ELP5: variants seen among roughly 807,000 people sequenced by gnomAD.
ELP5 encodes elongator complex protein 5.
In ELP5, 34 loss-of-function variants were observed where a neutral mutation model predicts 33.4. That is an observed-to-expected ratio of 1.02 (90% CI 0.78 to 1.36). ELP5 has a LOEUF of 1.36. ELP5 is among the 40% of genes most tolerant of loss of function. The pLI is 0.00. For synonymous variants in ELP5, 161 were observed against 146.4 expected (o/e 1.10, Z -0.72); for missense variants, 373 against 371.7 (o/e 1.00, Z -0.03).
Position 7,259,870 on chromosome 17 carries a change from C to A in ELP5, c.*185C>A. Reference sequence around the variant, plus strand: ...ATCAGGACAGAAGGTAGGATGAAGACATGGGGTAATGTGAGAGAGTAGAAC... The same window carrying A: ...ATCAGGACAGAAGGTAGGATGAAGAAATGGGGTAATGTGAGAGAGTAGAAC... On this transcript the variant is annotated 3_prime_UTR_variant, in exon 8 of 8. Coordinates refer to ENST00000396628, the MANE Select transcript of ELP5 (RefSeq NM_203414.3). 1 of 1,034,314 alleles carries A rather than the reference C, an allele frequency of 9.7e-7. No individual in the cohort carries two copies. Among genetic ancestry groups the A allele is most frequent in the Non-Finnish European group, 1.4e-6 (1 of 735,070 alleles). The allele number at this position is 1,034,314 out of a possible 1,614,324, so 64.1% of individuals were successfully genotyped here.
In ELP5 at chr17:7,252,277, A is replaced by C; in HGVS notation, c.-274A>C. 1.9e-6 allele frequency: 1 copy of C among 532,912 alleles called. No individual in the cohort carries two copies. The highest frequency in any genetic ancestry group is 3.4e-6 in the Non-Finnish European group (1 of 293,226). 33.0% of individuals were successfully genotyped at this position (532,912 alleles called of 1,614,324 possible). ...GGGTCCTCCTCCCCCTCCCACTGACAACTGCCCCAACTGCTCTTCCCGCCC... is the reference window on the plus strand; with the variant it reads ...GGGTCCTCCTCCCCCTCCCACTGACCACTGCCCCAACTGCTCTTCCCGCCC... On this transcript the variant is annotated 5_prime_UTR_variant, in exon 1 of 8. Coordinates refer to ENST00000396628, the MANE Select transcript of ELP5 (RefSeq NM_203414.3).
At position 7,252,390 on chromosome 17, in the gene ELP5, C is replaced by T. The variant is rs1454411681; in HGVS notation, c.-161C>T. ...GGGGCGCCCTCCGCGTGAGCGCCCCCCTGGGAATATTGAACATAATCACCT... is the reference window on the plus strand; with the variant it reads ...GGGGCGCCCTCCGCGTGAGCGCCCCTCTGGGAATATTGAACATAATCACCT... On this transcript the variant is annotated 5_prime_UTR_variant, in exon 1 of 8. Transcript: ENST00000396628. 1 of 1,142,210 alleles carries T rather than the reference C, an allele frequency of 8.8e-7. No individual in the cohort carries two copies. Among genetic ancestry groups the T allele is most frequent in the South Asian group, 1.3e-5 (1 of 75,106 alleles). The allele number at this position is 1,142,210 out of a possible 1,614,324, so 70.8% of individuals were successfully genotyped here.
chr17:7,258,372 C>T (rs947646492), intron 5 of ELP5, among the ~76,000 whole-genome samples: 2 of 151,062 alleles, frequency 1.3e-5, no homozygotes, highest in African/African-American at 2.4e-5. Flanking sequence ...TCACTTGAAC[C>T]TGGGAGGCGG....
rs1335628252 is a variant in ELP5, at chr17:7,259,885, GAGAGT to G, written c.*204_*208del. 6 of 845,166 alleles carry G rather than the reference GAGAGT, an allele frequency of 7.1e-6. No individual in the cohort carries two copies. The highest frequency in any genetic ancestry group is 1.9e-5 in the South Asian group (1 of 51,286). 52.4% of individuals were successfully genotyped at this position (845,166 alleles called of 1,614,324 possible). ...AGGATGAAGACATGGGGTAATGTGA[GAGAGT>G]AGAACACCCCCGTACCTAATAAAAA... On this transcript the variant is annotated 3_prime_UTR_variant, in exon 8 of 8. Transcript: ENST00000396628.
chr17:7,252,899 C>G lies in ELP5; in HGVS notation c.108-19C>G, dbSNP rs369743432. ...ACCTGTGCCCACTCTTTGACAATCC[C>G]TTCTCATCTCTGCCTTAGTGGGGAG... On this transcript the variant is annotated intron_variant, in intron 2 of 7. Coordinates refer to ENST00000396628, the MANE Select transcript of ELP5 (RefSeq NM_203414.3). 12 of 1,614,080 alleles carry G rather than the reference C, an allele frequency of 7.4e-6. No homozygotes were observed. In the African/African-American group the frequency reaches 1.6e-4, roughly 22 times the overall value.
chr17:7,258,966 C>G, intron 7 of ELP5, 40 bp downstream of exon 7: 2 of 1,613,404 alleles, frequency 1.2e-6, no homozygotes, highest in Non-Finnish European at 1.7e-6. Context: ...CTGAGTAGAT[C>G]CCAGCATCTG....
chr17:7,256,166 G>A (rs1163180687), intron 4 of ELP5, among the ~76,000 whole-genome samples: 1 of 152,062 alleles, frequency 6.6e-6, no homozygotes, highest in East Asian at 1.9e-4. Flanking sequence ...GCCTGGCCAA[G>A]ATGCTGAAAC....
intron 4 of ELP5, among the ~76,000 whole-genome samples, chr17:7,255,860 G>C (rs1312056206): frequency 1.3e-5 from 2 of 151,492 alleles, no homozygotes; most frequent in Non-Finnish European, 2.9e-5. Flanking sequence ...TTGGAGACCA[G>C]CCTGGCCAAC....
intron 7 of ELP5, 193 bp from the exon 8 acceptor site, chr17:7,259,378 A>T: frequency 7.1e-7 from 1 of 1,409,178 alleles, no homozygotes. Flanking sequence ...TTAGGAGAGC[A>T]GTACAAGGGT....
chr17:7,257,147 C>T (rs2072096611), intron 5 of ELP5, 109 bp downstream of exon 5: 1 of 1,234,776 alleles, frequency 8.1e-7, no homozygotes, highest in Non-Finnish European at 1.1e-6. Flanking sequence ...TAAAAACAAA[C>T]TTTTTTAGAG....
intron 5 of ELP5, 21 bp from the exon 6 acceptor site, chr17:7,258,567 T>A (rs1488831647): frequency 1.9e-6 from 3 of 1,611,012 alleles, no homozygotes; most frequent in South Asian, 1.1e-5. Flanking sequence ...TGAAAAAAAC[T>A]CTTTTCTTTT....
At chr17:7,252,009 C>T (rs763922539), upstream of ELP5, 2 of 191,476 alleles carry the variant, frequency 1.0e-5, no homozygotes, top group Non-Finnish European at 2.2e-5. Context: ...TCCTCTTCCC[C>T]TTTGACACTA....
At chr17:7,252,705 C>G in intron 1 of ELP5, 65 bp from the exon 2 acceptor site, 1 of 1,611,790 alleles carries the variant, frequency 6.2e-7, no homozygotes, top group Non-Finnish European at 8.5e-7. Flanking sequence ...GTGGAAATCG[C>G]GACGGGTTCG....
Position 7,252,581 on chromosome 17 carries a change from C to G in ELP5, c.31C>G (p.Leu11Val). 2 of 1,612,820 alleles carry G rather than the reference C, an allele frequency of 1.2e-6. No individual in the cohort carries two copies. Among genetic ancestry groups the G allele is most frequent in the South Asian group, 1.1e-5 (1 of 90,950 alleles). ...GGACTCGCTGTTGGCCTTGGGCGGCCTGGTGCTGCTTCGGGGTGAGAGCCA... is the reference window on the plus strand; with the variant it reads ...GGACTCGCTGTTGGCCTTGGGCGGCGTGGTGCTGCTTCGGGGTGAGAGCCA... MLDSLLALGG[L>V]VLLRDSVEWE... Residue 11 changes from leucine to valine, a missense_variant, in exon 1 of 8, where the codon CTG (leucine) becomes GTG (valine). Transcript: ENST00000396628.
At chr17:7,257,239 A>G (rs147087236) in intron 5 of ELP5, among the ~76,000 whole-genome samples, 244 of 152,196 alleles carry the variant, frequency 1.6e-3, no homozygotes, top group Middle Eastern at 3.4e-3. Flanking sequence ...CCAAAGTGCT[A>G]GGATTACAGA....
chr17:7,259,267 A>T, intron 7 of ELP5: 1 of 1,371,766 alleles, frequency 7.3e-7, no homozygotes, highest in Non-Finnish European at 9.4e-7. Flanking sequence ...GCTGGTTAAC[A>T]AGGGCTTAGT....
chr17:7,253,099 T>G, intron 3 of ELP5, 101 bp downstream of exon 3: 1 of 1,129,672 alleles, frequency 8.9e-7, no homozygotes, highest in Non-Finnish European at 1.3e-6. Context: ...TAGCAGTTCC[T>G]TAAATATTCA....
At position 7,256,870 on chromosome 17, in the gene ELP5, A is replaced by C. The variant is rs771616612; in HGVS notation, c.423A>C (p.Ser141=). Residue 141 remains serine, a synonymous_variant, in exon 5 of 8, where the codon TCA becomes TCC. Coordinates refer to ENST00000396628, the MANE Select transcript of ELP5 (RefSeq NM_203414.3). ...HQDSCPGDSS[S]VGKVSVLGLL... is the part of the protein sequence containing the mutation. Reference sequence around the variant, plus strand: ...GTCCTCCTCTAGGTGACAGCTCCTCAGTGGGGAAAGTGAGTGTGCTGGGCT... The same window carrying C: ...GTCCTCCTCTAGGTGACAGCTCCTCCGTGGGGAAAGTGAGTGTGCTGGGCT... 36 of 1,614,042 alleles carry C rather than the reference A, an allele frequency of 2.2e-5. No individual in the cohort carries two copies. The highest frequency in any genetic ancestry group is 2.9e-5 in the Non-Finnish European group (34 of 1,180,034).
In ELP5 at chr17:7,258,610, C is replaced by T. The variant is rs766788073; in HGVS notation, c.614C>T (p.Pro205Leu). ...TDQTQWFSIL[P>L]DFSLDLQEGP... Reference sequence around the variant, plus strand: ...CAGACTCAGTGGTTCTCCATCCTTCCGGACTTCAGCCTGGATCTCCAAGAG... The same window carrying T: ...CAGACTCAGTGGTTCTCCATCCTTCTGGACTTCAGCCTGGATCTCCAAGAG... Residue 205 changes from proline to leucine, a missense_variant, in exon 6 of 8, where the codon CCG (proline) becomes CTG (leucine). Transcript: ENST00000396628. 1.1e-5 allele frequency: 17 copies of T among 1,614,026 alleles called. No individual in the cohort carries two copies. The highest frequency in any genetic ancestry group is 5.5e-5 in the South Asian group (5 of 91,080).
Sources: allele counts gnomAD v4.1 joint callset (sites outside exome capture counted in the v4.1 genomes callset), GRCh38; gene constraint gnomAD v4.1.1; transcripts MANE v1.5; gene names NCBI Gene and HGNC (gene_info 2026-07-23, HGNC 2026-07-21).